The following ADCY9 variants were observed in gnomAD, a reference collection of about 807,000 sequenced individuals.
ADCY9 encodes the protein adenylate cyclase type 9.
A neutral mutation model predicts 101.5 loss-of-function variants in ADCY9; 50 were observed. The ratio of observed to expected loss-of-function variants is 0.49; its 90% CI spans 0.39 to 0.62. The LOEUF is 0.62. Ranked by LOEUF, ADCY9 falls within the 20% of genes least tolerant of loss-of-function variation. The pLI is 0.00. For synonymous variants in ADCY9, 905 were observed against 769.3 expected, an observed-to-expected ratio of 1.18 and a Z score of -2.92; for missense variants, 1,662 against 1,800.4, an observed-to-expected ratio of 0.92 and a Z score of 1.39.
chr16:4,062,784 T>G (rs1274048715), intron 2 of ADCY9, among the ~76,000 whole-genome samples: 2 of 152,118 alleles, frequency 1.3e-5, no homozygotes, highest in Non-Finnish European at 2.9e-5. Flanking sequence ...AAGGGTCAAC[T>G]CATGAGGAAT....
chr16:3,959,203 A>T (rs1044221332), downstream of ADCY9, among the ~76,000 whole-genome samples: 4 of 152,056 alleles, frequency 2.6e-5, no homozygotes, highest in East Asian at 7.7e-4. Context: ...TCCACAAAAA[A>T]TACAAAAACC....
At chr16:3,995,152 T>C (rs2056276891) in intron 3 of ADCY9, among the ~76,000 whole-genome samples, 1 of 152,126 alleles carries the variant, frequency 6.6e-6, no homozygotes, top group South Asian at 2.1e-4. Flanking sequence ...TAAATGAAAT[T>C]GGCTGGGTGT....
At chr16:3,982,054 AGGG>A in intron 7 of ADCY9, 1 of 152,514 alleles carries the variant, frequency 6.6e-6, no homozygotes, top group Non-Finnish European at 1.5e-5. Context: ...CTGAGGCAGG[AGGG>A]GAGGCTGTGC....
chr16:3,998,810 A>G (rs974947564), intron 3 of ADCY9, among the ~76,000 whole-genome samples: 1 of 140,268 alleles, frequency 7.1e-6, no homozygotes, highest in Non-Finnish European at 1.5e-5. Context: ...AAAAAAGAGA[A>G]ATCCATCTAC....
chr16:4,077,055 G>A (rs898594210), intron 2 of ADCY9, among the ~76,000 whole-genome samples: 2 of 147,340 alleles, frequency 1.4e-5, no homozygotes, highest in East Asian at 2.0e-4. Flanking sequence ...CCAGCCTGGG[G>A]GACAAGGTTG....
chr16:4,023,708 T>A (rs1164062125), intron 2 of ADCY9, among the ~76,000 whole-genome samples: 3 of 151,910 alleles, frequency 2.0e-5, no homozygotes, highest in Non-Finnish European at 4.4e-5. Context: ...AGGTAAGGAG[T>A]TCGAGACCAT....
intron 10 of ADCY9, among the ~76,000 whole-genome samples, chr16:3,969,527 C>A (rs538918730): frequency 7.5e-6 from 1 of 134,180 alleles, no homozygotes; most frequent in South Asian, 2.3e-4. Context: ...GTGTGAGCCA[C>A]CACACCTGGC....
intron 2 of ADCY9, among the ~76,000 whole-genome samples, chr16:4,011,907 A>T (rs2601785): frequency 6.6e-6 from 1 of 151,948 alleles, no homozygotes; most frequent in Non-Finnish European, 1.5e-5. Flanking sequence ...AGGGCTTACC[A>T]CACAGCTCGC....
chr16:4,099,229 G>C (rs189406849), intron 2 of ADCY9, among the ~76,000 whole-genome samples: 2 of 152,030 alleles, frequency 1.3e-5, no homozygotes, highest in Non-Finnish European at 2.9e-5. Context: ...CACCACGCCC[G>C]GCCTTTTTAT....
At chr16:4,100,608 G>A (rs12447540) in intron 2 of ADCY9, among the ~76,000 whole-genome samples, 2,211 of 152,152 alleles carry the variant, frequency 0.015, 45 homozygotes, top group African/African-American at 0.046. Context: ...TGGGATTACA[G>A]GCGTGAGCCA....
At chr16:3,994,404 A>G (rs755465615) in intron 3 of ADCY9, among the ~76,000 whole-genome samples, 16 of 152,242 alleles carry the variant, frequency 1.1e-4, no homozygotes, top group Non-Finnish European at 1.5e-4. Flanking sequence ...ATGGTTGCAC[A>G]ACCTTGCTAA....
intron 2 of ADCY9, among the ~76,000 whole-genome samples, chr16:4,046,256 A>C (rs1171370150): frequency 1.3e-5 from 2 of 152,146 alleles, no homozygotes; most frequent in East Asian, 3.9e-4. Context: ...CACGGCACAC[A>C]GTGCCCAGCA....
Position 3,983,411 on chromosome 16 carries a change from A to T in ADCY9, c.2340T>A (p.Phe780Leu). 2 of 1,607,442 alleles carry T rather than the reference A, an allele frequency of 1.2e-6. No homozygotes were observed. The highest frequency in any genetic ancestry group is 2.2e-5 in the South Asian group (2 of 89,858). Residue 780 changes from phenylalanine (F) to leucine (L), a missense_variant, in exon 7 of 11, where the codon TTT becomes TTA. Transcript: ENST00000294016. ...GGAGGGAGCTGAAGGTGGGACTAGC[A>T]AACGTCTTCACGGGGGAGTTCTTTA... ...EVIKNSPVKT[F>L]ASPTFSSLLD...
At position 4,114,404 on chromosome 16, in the gene ADCY9, T is replaced by G. The variant is rs1271553193; in HGVS notation, c.1039A>C (p.Met347Leu). Residue 347 changes from methionine to leucine, a missense_variant, in exon 2 of 11, where the codon ATG becomes CTG. By Grantham distance (15) the Met-to-Leu change is conservative (BLOSUM62 2). Transcript: ENST00000294016. This position sits in a 1 kb window ranked among gnomAD's most constrained non-coding sequence, Gnocchi z 4.3. ...VMPRIIADDL[M>L]KQGDEESENS... ...TCACTCTCCTCATCTCCCTGCTTCA[T>G]TAAGTCATCGGCTATGATTCTTGGC... 6.2e-7 allele frequency: 1 copy of G among 1,614,152 alleles called. No homozygotes were observed. Among genetic ancestry groups the G allele is most frequent in the Admixed American group, 1.7e-5 (1 of 60,020 alleles).
At chr16:4,070,405 A>C (rs1267965930) in intron 2 of ADCY9, among the ~76,000 whole-genome samples, 1 of 152,234 alleles carries the variant, frequency 6.6e-6, no homozygotes, top group Non-Finnish European at 1.5e-5. Context: ...ATGTGGATGA[A>C]AGTTTCAAAT....
chr16:4,079,361 G>A (rs140028696), intron 2 of ADCY9, among the ~76,000 whole-genome samples: 7,134 of 152,240 alleles, frequency 0.047, 217 homozygotes, highest in Non-Finnish European at 0.071. Flanking sequence ...CTGAGGTCAG[G>A]AGTTGGAGAC....
chr16:4,044,582 C>T (rs941238206), intron 2 of ADCY9, among the ~76,000 whole-genome samples: 3 of 152,026 alleles, frequency 2.0e-5, no homozygotes, highest in African/African-American at 4.8e-5. Flanking sequence ...ACCAGAGAAA[C>T]CTCGGTTTAA....
chr16:4,052,785 T>C (rs2056710218), intron 2 of ADCY9, among the ~76,000 whole-genome samples: 1 of 152,202 alleles, frequency 6.6e-6, no homozygotes, highest in South Asian at 2.1e-4. Context: ...AATGTGGCTT[T>C]TTCTACAATA....
At position 4,007,466 on chromosome 16, in the gene ADCY9, C is replaced by T. The variant is rs765267200; in HGVS notation, c.1786G>A (p.Gly596Ser). 11 of 1,613,952 alleles carry T rather than the reference C, an allele frequency of 6.8e-6. No homozygotes were observed. Among genetic ancestry groups the T allele is most frequent in the Admixed American group, 6.7e-5 (4 of 60,004 alleles). ...CTAGGGCCTGAGGACACCTGTGAGC[C>T]GTCAATGACCTCAAAGCCAGAAAGC... ...ALLSGFEVIDGSQVSSGPRGQ... is the reference protein window; with the variant it reads ...ALLSGFEVIDSSQVSSGPRGQ... The change falls in exon 3 of 11, where the codon GGC becomes AGC. Residue 596 changes from glycine to serine, a missense_variant. Gly to Ser is a moderately conservative substitution (Grantham distance 56). Transcript: ENST00000294016.
Sources: allele counts gnomAD v4.1 joint callset (sites outside exome capture counted in the v4.1 genomes callset), GRCh38; gene constraint gnomAD v4.1.1; non-coding constraint Gnocchi (gnomAD v3.1); transcripts MANE v1.5; gene names NCBI Gene and HGNC (gene_info 2026-07-23, HGNC 2026-07-21).